HSD11B1L: variants seen among roughly 807,000 people sequenced by gnomAD.
HSD11B1L encodes hydroxysteroid 11-beta-dehydrogenase 1-like protein.
In HSD11B1L, 22 loss-of-function variants were observed where a neutral mutation model predicts 27.0. That is an observed-to-expected ratio of 0.81 (90% CI 0.58 to 1.16). HSD11B1L has a LOEUF of 1.16. Ranked by LOEUF, HSD11B1L falls within the 50% of genes most tolerant of loss-of-function variation. HSD11B1L has a pLI of 0.00. For synonymous variants in HSD11B1L, 187 were observed against 189.2 expected, an observed-to-expected ratio of 0.99 and a Z score of 0.09; for missense variants, 372 against 401.8, an observed-to-expected ratio of 0.93 and a Z score of 0.63.
intron 1 of HSD11B1L, among the ~76,000 whole-genome samples, chr19:5,683,105 T>C (rs2054599696): frequency 6.6e-6 from 1 of 150,478 alleles, no homozygotes; most frequent in South Asian, 2.1e-4. Context: ...GTCAGGCTGG[T>C]CTCGAACTCC....
rs371411136 is a variant in HSD11B1L, at chr19:5,687,264, C to T, written c.409-18C>T. 1.2e-5 allele frequency: 20 copies of T among 1,610,908 alleles called. No homozygotes were observed. Among genetic ancestry groups the T allele is most frequent in the Admixed American group, 3.3e-5 (2 of 59,918 alleles). On this transcript the variant is annotated intron_variant, in intron 5 of 7. Coordinates refer to ENST00000339423, the MANE Select transcript of HSD11B1L (RefSeq NM_198706.3). The surrounding 1 kb of genome is among the most constrained non-coding windows in gnomAD (Gnocchi z 6.6). ...CTGGGCTCCGCCTCTGCCGGTGACTCGCGAGTGCCGCCTGCAGGTAAACTT... is the reference window on the plus strand; with the variant it reads ...CTGGGCTCCGCCTCTGCCGGTGACTTGCGAGTGCCGCCTGCAGGTAAACTT...
chr19:5,686,316 G>C, intron 3 of HSD11B1L, 100 bp from the exon 4 acceptor site: 1 of 779,748 alleles, frequency 1.3e-6, no homozygotes, highest in East Asian at 2.7e-5. Context: ...AGAGTAGGGG[G>C]GGGTTTTCAG....
At position 5,687,728 on chromosome 19, in the gene HSD11B1L, C is replaced by T. The variant is rs1308338445; in HGVS notation, c.669-25C>T. ...GCCATGGCCCAGCCCCAGCCGCAGT[C>T]CCCACCGTGCCCTCCTGTCCCCAGG... On this transcript the variant is annotated intron_variant, in intron 7 of 7. Coordinates refer to ENST00000339423, the MANE Select transcript of HSD11B1L (RefSeq NM_198706.3). This position sits in a 1 kb window ranked among gnomAD's most constrained non-coding sequence, Gnocchi z 6.6. 1 of 1,496,018 alleles carries T rather than the reference C, an allele frequency of 6.7e-7. No homozygotes were observed. The highest frequency in any genetic ancestry group is 2.4e-5 in the Admixed American group (1 of 42,166). The allele number at this position is 1,496,018 out of a possible 1,614,324, so 92.7% of individuals were successfully genotyped here. A position where few individuals can be genotyped will look rare whatever the true frequency, so the allele number is the denominator to read the frequency against.
In HSD11B1L at chr19:5,685,035, T is replaced by C. The variant is rs1568299464; in HGVS notation, c.120T>C (p.Gly40=). Residue 40 remains glycine, a synonymous_variant, in exon 3 of 8, where the codon GGT becomes GGC. Coordinates refer to ENST00000339423, the MANE Select transcript of HSD11B1L (RefSeq NM_198706.3). This position sits in a 1 kb window ranked among gnomAD's most constrained non-coding sequence, Gnocchi z 4.3. The stretch of plus-strand genomic sequence containing the variant: ...TGCTGCTGACAGGGGCCAACGCTGG[T>C]GTTGGTGAGGAGCTGGCCTATCACT... ...ARVLLTGANA[G]VGEELAYHYA... is the part of the protein sequence containing the mutation. 6.4e-7 allele frequency: 1 copy of C among 1,574,352 alleles called. No individual in the cohort carries two copies. Among genetic ancestry groups the C allele is most frequent in the Non-Finnish European group, 8.6e-7 (1 of 1,159,682 alleles).
At position 5,685,772 on chromosome 19, in the gene HSD11B1L, C is replaced by T. The variant is rs1035725214; in HGVS notation, c.205-644C>T. Among the ~76,000 whole-genome samples, 7 of 151,284 alleles carry T rather than the reference C, an allele frequency of 4.6e-5. No homozygotes were observed. The highest frequency in any genetic ancestry group is 2.1e-4 in the South Asian group (1 of 4,782). On this transcript the variant is annotated intron_variant, in intron 3 of 7. Coordinates refer to ENST00000339423, the MANE Select transcript of HSD11B1L (RefSeq NM_198706.3). The surrounding 1 kb of genome is among the most constrained non-coding windows in gnomAD (Gnocchi z 4.3). ...AAAAAAAAAAATTAGGGCATGGTGG[C>T]GCGAGCATGTAGTCCCAGCTACATG...
chr19:5,686,406 C>T lies in HSD11B1L; in HGVS notation c.205-10C>T, dbSNP rs755336424. On this transcript the variant is annotated splice_polypyrimidine_tract_variant and intron_variant, in intron 3 of 7. Transcript: ENST00000339423. ...AGGAGAGGCCCACGGGCAGCTCTGG[C>T]CCCCCCCAGGTGGTAGGGAACTGCC... 54 of 1,522,960 alleles carry T rather than the reference C, an allele frequency of 3.5e-5. No individual in the cohort carries two copies. The highest frequency in any genetic ancestry group is 4.6e-5 in the Non-Finnish European group (52 of 1,124,472). 94.3% of individuals were successfully genotyped at this position (1,522,960 alleles called of 1,614,324 possible). A position where few individuals can be genotyped will look rare whatever the true frequency, so the allele number is the denominator to read the frequency against.
Position 5,687,222 on chromosome 19 carries a change from C to T in HSD11B1L, c.409-60C>T. Reference sequence around the variant, plus strand: ...GGCCCTGGCCCCGCCCTCTGGGTTTCTGGCCCCGCCCTGCCCCTGGGCTCC... The same window carrying T: ...GGCCCTGGCCCCGCCCTCTGGGTTTTTGGCCCCGCCCTGCCCCTGGGCTCC... On this transcript the variant is annotated intron_variant, in intron 5 of 7. Transcript: ENST00000339423. The surrounding 1 kb of genome is among the most constrained non-coding windows in gnomAD (Gnocchi z 6.6). 1 of 1,563,502 alleles carries T rather than the reference C, an allele frequency of 6.4e-7. No homozygotes were observed. Among genetic ancestry groups the T allele is most frequent in the South Asian group, 1.1e-5 (1 of 88,998 alleles).
rs3760768 is a variant in HSD11B1L at position 5,688,177 on chromosome 19, C to T, written c.*232C>T. 6.5e-7 allele frequency: 1 copy of T among 1,549,844 alleles called. No homozygotes were observed. Among genetic ancestry groups the T allele is most frequent in the East Asian group, 2.4e-5 (1 of 40,914 alleles). On this transcript the variant is annotated 3_prime_UTR_variant, in exon 8 of 8. Transcript: ENST00000339423. ...TTTGTCGGGGACTTGCAAGGCCTCACCTGTTTGGCCATGATTGATGACGTG... is the reference window on the plus strand; with the variant it reads ...TTTGTCGGGGACTTGCAAGGCCTCATCTGTTTGGCCATGATTGATGACGTG...
intron 1 of HSD11B1L, 179 bp from the exon 2 acceptor site, chr19:5,684,640 G>C (rs906513223): frequency 2.4e-6 from 2 of 821,606 alleles, no homozygotes; most frequent in Non-Finnish European, 1.8e-6. Flanking sequence ...GTGCAGGTGC[G>C]GTGGTTCATG....
chr19:5,686,819 G>A, intron 4 of HSD11B1L, 81 bp from the exon 5 acceptor site: 1 of 1,205,420 alleles, frequency 8.3e-7, no homozygotes, highest in Non-Finnish European at 1.2e-6. Flanking sequence ...CCAGCGCTCT[G>A]GGTGGAGCTA....
chr19:5,687,390 C>T lies in HSD11B1L; in HGVS notation c.502+15C>T, dbSNP rs766559686. 9.3e-6 allele frequency: 15 copies of T among 1,609,622 alleles called. No individual in the cohort carries two copies. Among genetic ancestry groups the T allele is most frequent in the East Asian group, 8.9e-5 (4 of 44,836 alleles). On this transcript the variant is annotated intron_variant, in intron 6 of 7. Transcript: ENST00000339423. This position sits in a 1 kb window ranked among gnomAD's most constrained non-coding sequence, Gnocchi z 6.6. ...CTCGCTGCTCGGTGCGTGCACCCGG[C>T]CCCGGCTCTGCGGGACGGGGAGTGG...
At position 5,687,392 on chromosome 19, in the gene HSD11B1L, C is replaced by A; in HGVS notation, c.502+17C>A. 1 of 1,609,850 alleles carries A rather than the reference C, an allele frequency of 6.2e-7. No homozygotes were observed. The highest frequency in any genetic ancestry group is 8.5e-7 in the Non-Finnish European group (1 of 1,179,252). On this transcript the variant is annotated intron_variant, in intron 6 of 7. Transcript: ENST00000339423. This position sits in a 1 kb window ranked among gnomAD's most constrained non-coding sequence, Gnocchi z 6.6. ...CGCTGCTCGGTGCGTGCACCCGGCC[C>A]CGGCTCTGCGGGACGGGGAGTGGGG...
rs1352458327 is a variant in HSD11B1L, at chr19:5,687,043, G to A, written c.408+52G>A. ...CCGCCCCTCTATCTCAGGGACCGGT[G>A]GTCCGTTCCCTTCGCGGTCCGGGTT... On this transcript the variant is annotated intron_variant, in intron 5 of 7. Coordinates refer to ENST00000339423, the MANE Select transcript of HSD11B1L (RefSeq NM_198706.3). The surrounding 1 kb of genome is among the most constrained non-coding windows in gnomAD (Gnocchi z 6.6). 2 of 1,453,638 alleles carry A rather than the reference G, an allele frequency of 1.4e-6. No individual in the cohort carries two copies. The highest frequency in any genetic ancestry group is 2.5e-5 in the East Asian group (1 of 40,300). The allele number at this position is 1,453,638 out of a possible 1,614,324, so 90.0% of individuals were successfully genotyped here.
chr19:5,683,016 A>G (rs1599416985), intron 1 of HSD11B1L, among the ~76,000 whole-genome samples: 1 of 151,698 alleles, frequency 6.6e-6, no homozygotes, highest in Admixed American at 6.6e-5. Context: ...TAGCTGCTCC[A>G]TTGGCTGGGA....
At chr19:5,686,026 C>G (rs2054681138) in intron 3 of HSD11B1L, among the ~76,000 whole-genome samples, 1 of 152,144 alleles carries the variant, frequency 6.6e-6, no homozygotes, top group Non-Finnish European at 1.5e-5. Flanking sequence ...CAGGCCTGTG[C>G]TGATAGCCAG....
chr19:5,687,472 G>A lies in HSD11B1L; in HGVS notation c.503-31G>A, dbSNP rs1599429777. On this transcript the variant is annotated intron_variant, in intron 6 of 7. Transcript: ENST00000339423. This position sits in a 1 kb window ranked among gnomAD's most constrained non-coding sequence, Gnocchi z 6.6. ...GGGCAGGCTTCCCGGACGAGGGGGA[G>A]CCACTCAGCCGCTGCCGTCCGCGCC... 1 of 1,588,400 alleles carries A rather than the reference G, an allele frequency of 6.3e-7. No individual in the cohort carries two copies. The highest frequency in any genetic ancestry group is 1.7e-5 in the Admixed American group (1 of 58,990).
Position 5,687,894 on chromosome 19 carries a change from G to C in HSD11B1L, c.810G>C (p.Pro270=), listed in dbSNP as rs775270839. The change falls in exon 8 of 8, where the codon CCG becomes CCC. Residue 270 remains proline, a synonymous_variant. Coordinates refer to ENST00000339423, the MANE Select transcript of HSD11B1L (RefSeq NM_198706.3). This position sits in a 1 kb window ranked among gnomAD's most constrained non-coding sequence, Gnocchi z 6.6. The part of the protein sequence containing the change: ...LCLLRRWLPR[P]RAWFIRQELN... ...TGCTCCGGCGCTGGCTACCGCGCCCGCGGGCCTGGTTTATCCGCCAGGAGC... is the reference window on the plus strand; with the variant it reads ...TGCTCCGGCGCTGGCTACCGCGCCCCCGGGCCTGGTTTATCCGCCAGGAGC... The C allele has an allele frequency of 1.6e-5, 25 of 1,578,862 alleles. No individual in the cohort carries two copies. The Middle Eastern group carries it at 1.0e-3, about 63-fold the overall frequency.
At chr19:5,686,131 T>C (rs2054683745) in intron 3 of HSD11B1L, among the ~76,000 whole-genome samples, 1 of 152,158 alleles carries the variant, frequency 6.6e-6, no homozygotes, top group South Asian at 2.1e-4. Flanking sequence ...CACAAACCTT[T>C]CAATATTTCA....
intron 1 of HSD11B1L, chr19:5,684,116 A>G (rs2054625355): frequency 2.3e-6 from 1 of 436,400 alleles, no homozygotes; most frequent in Non-Finnish European, 4.1e-6. Context: ...TCTGGATTAC[A>G]GGCATGTGCG....
Sources: allele counts gnomAD v4.1 joint callset (sites outside exome capture counted in the v4.1 genomes callset), GRCh38; gene constraint gnomAD v4.1.1; non-coding constraint Gnocchi (gnomAD v3.1); transcripts MANE v1.5; gene names NCBI Gene and HGNC (gene_info 2026-07-23, HGNC 2026-07-21).